The following HLCS variants were observed in gnomAD, a reference collection of about 807,000 sequenced individuals.
The protein encoded by HLCS is biotin--protein ligase.
In HLCS, 53 loss-of-function variants were observed where a neutral mutation model predicts 75.0. The ratio of observed to expected loss-of-function variants is 0.71; its 90% CI spans 0.57 to 0.89. HLCS has a LOEUF of 0.89. Among genes scored for constraint, HLCS ranks in the 40% least tolerant of loss-of-function variants. The pLI is 0.00. For missense variants in HLCS, 966 were observed against 1,074.0 expected (o/e 0.90, Z 1.41); for synonymous variants, 431 against 428.6 (o/e 1.01, Z -0.07).
intron 6 of HLCS, among the ~76,000 whole-genome samples, chr21:36,801,075 T>G (rs1302298940): frequency 2.0e-5 from 3 of 152,216 alleles, no homozygotes; most frequent in Non-Finnish European, 4.4e-5. Flanking sequence ...TGCCTGAGGC[T>G]GATGACATGG....
At position 36,865,503 on chromosome 21, in the gene HLCS, C is replaced by T. The variant is rs1424989498; in HGVS notation, c.1892+31357G>A. Among the ~76,000 whole-genome samples, 3 of 152,162 alleles carry T rather than the reference C, an allele frequency of 2.0e-5. No individual in the cohort carries two copies. The East Asian group carries it at 5.8e-4, about 29-fold the overall frequency. On this transcript the variant is annotated intron_variant, in intron 6 of 10. Transcript: ENST00000674895. Reference sequence around the variant, plus strand: ...TAAATTAGAACTCTGTGGCTTGCCCCACACAAAGCCATCAGATTAGGGAGC... The same window carrying T: ...TAAATTAGAACTCTGTGGCTTGCCCTACACAAAGCCATCAGATTAGGGAGC...
chr21:36,955,661 G>C (rs1345186086), intron 2 of HLCS, among the ~76,000 whole-genome samples: 1 of 151,854 alleles, frequency 6.6e-6, no homozygotes, highest in African/African-American at 2.4e-5. Context: ...ATTTATTATC[G>C]AAGAAGAAGG....
chr21:36,981,954 G>A (rs375307615), intron 1 of HLCS, among the ~76,000 whole-genome samples: 3 of 152,260 alleles, frequency 2.0e-5, no homozygotes, highest in East Asian at 1.9e-4. Context: ...TCTGATGCCC[G>A]GGAAGTGTTT....
At chr21:36,818,513 A>C (rs2061729871) in intron 6 of HLCS, among the ~76,000 whole-genome samples, 1 of 152,200 alleles carries the variant, frequency 6.6e-6, no homozygotes, top group South Asian at 2.1e-4. Flanking sequence ...AAATATTTTT[A>C]CATTAGGTTG....
chr21:36,771,063 C>CA (rs1384105467), intron 6 of HLCS, among the ~76,000 whole-genome samples: 47 of 151,594 alleles, frequency 3.1e-4, no homozygotes, highest in African/African-American at 1.1e-3. Flanking sequence ...ACTAAAAATA[C>CA]AAAAAAATTA....
At chr21:36,869,228 CA>C (rs2063685948) in intron 6 of HLCS, among the ~76,000 whole-genome samples, 1 of 152,066 alleles carries the variant, frequency 6.6e-6, no homozygotes, top group Non-Finnish European at 1.5e-5. Context: ...AGGTTCACGC[CA>C]TTCTCCCGCC....
chr21:36,921,673 T>C (rs1266088049), intron 5 of HLCS, among the ~76,000 whole-genome samples: 3 of 152,216 alleles, frequency 2.0e-5, no homozygotes, highest in African/African-American at 4.8e-5. Flanking sequence ...CGCTCACACC[T>C]AGAATCTGAA....
intron 6 of HLCS, among the ~76,000 whole-genome samples, chr21:36,824,168 T>G (rs565505957): frequency 3.1e-4 from 47 of 152,282 alleles, no homozygotes; most frequent in African/African-American, 1.1e-3. Flanking sequence ...CTATTCACAA[T>G]GGCAAAGACA....
In HLCS at chr21:36,966,644, C is replaced by T. The variant is rs1391870888; in HGVS notation, c.-6G>A. On this transcript the variant is annotated 5_prime_UTR_variant, in exon 1 of 11. Coordinates refer to ENST00000674895, the MANE Select transcript of HLCS (RefSeq NM_001352514.2). ...TAGCACAGCGTGATGAGCATGGCCG[C>T]GCCGCCGGCAGGGCGAGCCCGCCTT... is the stretch of plus-strand genomic sequence containing the variant. 1.0e-6 allele frequency: 1 copy of T among 980,136 alleles called. No homozygotes were observed. Among genetic ancestry groups the T allele is most frequent in the East Asian group, 1.1e-4 (1 of 8,734 alleles). 60.7% of individuals were successfully genotyped at this position (980,136 alleles called of 1,614,324 possible).
chr21:36,967,126 G>A (rs1249937922), upstream of HLCS, among the ~76,000 whole-genome samples: 1 of 152,100 alleles, frequency 6.6e-6, no homozygotes. Flanking sequence ...TTGAGGAGGG[G>A]GCTCTGCCTA....
chr21:36,877,243 T>C (rs968988082), intron 6 of HLCS, among the ~76,000 whole-genome samples: 1 of 152,242 alleles, frequency 6.6e-6, no homozygotes, highest in Non-Finnish European at 1.5e-5. Context: ...TATCATTTAA[T>C]GTAAATATTG....
chr21:36,906,910 AT>A (rs1164568100), intron 5 of HLCS, among the ~76,000 whole-genome samples: 3 of 151,898 alleles, frequency 2.0e-5, no homozygotes, highest in African/African-American at 4.8e-5. Context: ...AGTGTGATTG[AT>A]TTTTTTTAAT....
rs181146632 is a variant in HLCS at position 36,987,018 on chromosome 21, G to A, written c.-393+3140C>T. The stretch of plus-strand genomic sequence containing the variant: ...ATTCATTATTGCCATTATTAATTTT[G>A]ATATTCAAATTGTTCCAGGTTTGGC... On this transcript the variant is annotated intron_variant, in intron 1 of 11. Transcript: ENST00000336648. Among the ~76,000 whole-genome samples, 41 of 152,208 alleles carry A rather than the reference G, an allele frequency of 2.7e-4. No homozygotes were observed. The East Asian group carries it at 7.7e-3, about 29-fold the overall frequency.
At chr21:36,774,642 T>C (rs1352538284) in intron 6 of HLCS, among the ~76,000 whole-genome samples, 1 of 152,198 alleles carries the variant, frequency 6.6e-6, no homozygotes, top group African/African-American at 2.4e-5. Context: ...AAAAATTCTA[T>C]ACGTGATGCC....
intron 6 of HLCS, among the ~76,000 whole-genome samples, chr21:36,886,558 A>G (rs1484720707): frequency 6.6e-6 from 1 of 151,968 alleles, no homozygotes; most frequent in Non-Finnish European, 1.5e-5. Context: ...TCCAGGTGAC[A>G]TTCACTCCTG....
chr21:36,875,277 T>C (rs145567537), intron 6 of HLCS, among the ~76,000 whole-genome samples: 117 of 152,204 alleles, frequency 7.7e-4, no homozygotes, highest in African/African-American at 2.5e-3. Flanking sequence ...CAGTTCCAGG[T>C]GAGGTCCACG....
chr21:36,857,015 T>C (rs771133142), intron 6 of HLCS, among the ~76,000 whole-genome samples: 24 of 152,346 alleles, frequency 1.6e-4, no homozygotes, highest in African/African-American at 5.3e-4. Context: ...CGCATGTCCA[T>C]TGCAAACAGT....
chr21:36,755,463 TAAATACTTTA>T, intron 10 of HLCS, among the ~76,000 whole-genome samples: 1 of 152,250 alleles, frequency 6.6e-6, no homozygotes, highest in Admixed American at 6.5e-5. Context: ...ACTTTCTGCT[TAAATACTTTA>T]TCTCCTGAGA....
At chr21:36,945,760 T>C (rs2067362819) in intron 2 of HLCS, among the ~76,000 whole-genome samples, 1 of 152,242 alleles carries the variant, frequency 6.6e-6, no homozygotes, top group African/African-American at 2.4e-5. Context: ...ACTTTGTGAA[T>C]ATACTAAAAA....
Sources: gnomAD v4.1 joint callset for allele counts (sites outside exome capture counted in the v4.1 genomes callset) on GRCh38, gnomAD v4.1.1 for gene constraint, MANE v1.5 for transcripts, NCBI Gene and HGNC (gene_info 2026-07-23, HGNC 2026-07-21) for gene names.